Variants in FBXL4 observed in about 807,000 individuals in gnomAD.
FBXL4 encodes F-box and leucine rich repeat protein 4.
Under a neutral mutation model 58.9 loss-of-function variants are expected in FBXL4, and 40 were observed. The ratio of observed to expected loss-of-function variants is 0.68; its 90% CI spans 0.53 to 0.88. FBXL4 has a LOEUF of 0.88. Ranked by LOEUF, FBXL4 falls within the 40% of genes least tolerant of loss-of-function variation. FBXL4 has a pLI of 0.00. For missense variants in FBXL4, 676 were observed against 734.4 expected (o/e 0.92, Z 0.92); for synonymous variants, 263 against 265.5 (o/e 0.99, Z 0.09).
Position 98,869,022 on chromosome 6 carries a change from G to A in FBXL4, c.*5256C>T, listed in dbSNP as rs1473811384. ...ATCATGATCTTTGATTAAAGCAAAT[G>A]ACTCTTAACAGAATGTGAGCTATTG... On this transcript the variant is annotated 3_prime_UTR_variant, in exon 10 of 10. Coordinates refer to ENST00000369244, the MANE Select transcript of FBXL4 (RefSeq NM_001278716.2). The A allele has an allele frequency of 1.3e-5, 2 of 152,260 alleles. No individual in the cohort carries two copies. Among genetic ancestry groups the A allele is most frequent in the African/African-American group, 4.8e-5 (2 of 41,546 alleles). 9.4% of individuals were successfully genotyped at this position (152,260 alleles called of 1,614,324 possible). A position where few individuals can be genotyped will look rare whatever the true frequency, so the allele number is the denominator to read the frequency against.
At chr6:98,911,342 G>A (rs985581694) in intron 5 of FBXL4, among the ~76,000 whole-genome samples, 5 of 152,182 alleles carry the variant, frequency 3.3e-5, no homozygotes, top group South Asian at 2.1e-4. Context: ...CTCCCAGCAC[G>A]CAGCTGGAGA....
chr6:98,910,293 T>C (rs960720723), intron 5 of FBXL4, among the ~76,000 whole-genome samples: 5 of 152,080 alleles, frequency 3.3e-5, no homozygotes, highest in Non-Finnish European at 4.4e-5. Flanking sequence ...GATGCTAAAA[T>C]ACCTCAGAAA....
chr6:98,941,473 T>C (rs1193364537), intron 1 of FBXL4, among the ~76,000 whole-genome samples: 1 of 152,174 alleles, frequency 6.6e-6, no homozygotes, highest in East Asian at 1.9e-4. Context: ...ATGATGTAAC[T>C]GTTCTGTGTG....
At chr6:98,904,142 C>T (rs2128392294) in intron 6 of FBXL4, among the ~76,000 whole-genome samples, 1 of 152,304 alleles carries the variant, frequency 6.6e-6, no homozygotes, top group South Asian at 2.1e-4. Context: ...ATAATGTATA[C>T]TCTAAATATT....
chr6:98,926,447 T>C (rs759980763), intron 4 of FBXL4, 30 bp downstream of exon 4: 2 of 1,549,766 alleles, frequency 1.3e-6, no homozygotes, highest in African/African-American at 1.4e-5. Flanking sequence ...TTCTACCATA[T>C]AACTTAGGTC....
Position 98,875,303 on chromosome 6 carries a change from A to G in FBXL4, c.1702+112T>C, listed in dbSNP as rs1770617406. On this transcript the variant is annotated intron_variant, in intron 9 of 9. Coordinates refer to ENST00000369244, the MANE Select transcript of FBXL4 (RefSeq NM_001278716.2). ...TATCAAACCAAGCCATCTTATCAGG[A>G]TAAAATTTTTATTGTATCCAAAAAT... 9.7e-6 allele frequency: 9 copies of G among 928,768 alleles called. No individual in the cohort carries two copies. The South Asian group carries it at 1.3e-4, about 13-fold the overall frequency. The allele number at this position is 928,768 out of a possible 1,614,324, so 57.5% of individuals were successfully genotyped here. A position where few individuals can be genotyped will look rare whatever the true frequency, so the allele number is the denominator to read the frequency against.
intron 8 of FBXL4, among the ~76,000 whole-genome samples, chr6:98,877,010 C>T (rs1022538331): frequency 4.6e-5 from 7 of 151,984 alleles, no homozygotes; most frequent in Non-Finnish European, 7.4e-5. Context: ...TGGGGAGGAA[C>T]GGAGAAGGAA....
At chr6:98,879,853 G>C (rs1387681376) in intron 8 of FBXL4, among the ~76,000 whole-genome samples, 1 of 143,166 alleles carries the variant, frequency 7.0e-6, no homozygotes, top group Non-Finnish European at 1.5e-5. Context: ...TGAGGCAGGA[G>C]AATTGCTTGA....
chr6:98,917,825 T>C, intron 4 of FBXL4, 106 bp from the exon 5 acceptor site: 1 of 743,512 alleles, frequency 1.3e-6, no homozygotes, highest in South Asian at 2.8e-5. Context: ...AACAAAGTCA[T>C]CAAAATAAAT....
intron 4 of FBXL4, among the ~76,000 whole-genome samples, chr6:98,925,419 A>G: frequency 6.6e-6 from 1 of 152,360 alleles, no homozygotes; most frequent in East Asian, 1.9e-4. Flanking sequence ...CAAAAAAAAA[A>G]TGTTAAACAT....
rs768836902 is a variant in FBXL4 at position 98,871,576 on chromosome 6, G to A, written c.*2702C>T. 2 of 152,138 alleles carry A rather than the reference G, an allele frequency of 1.3e-5. No homozygotes were observed. The highest frequency in any genetic ancestry group is 1.3e-4 in the Admixed American group (2 of 15,274). 9.4% of individuals were successfully genotyped at this position (152,138 alleles called of 1,614,324 possible). A position where few individuals can be genotyped will look rare whatever the true frequency, so the allele number is the denominator to read the frequency against. ...AAAATGTGTGAAGCAAAATGATTAC[G>A]TTTGTCAAATTTATAAAGCCTGTGA... On this transcript the variant is annotated 3_prime_UTR_variant, in exon 10 of 10. Transcript: ENST00000369244.
At chr6:98,912,270 G>A (rs1047334709) in intron 5 of FBXL4, among the ~76,000 whole-genome samples, 1 of 152,202 alleles carries the variant, frequency 6.6e-6, no homozygotes, top group Admixed American at 6.5e-5. Flanking sequence ...TTATCCAGGA[G>A]AACTTCCCCA....
chr6:98,903,584 C>T (rs987238963), intron 6 of FBXL4, among the ~76,000 whole-genome samples: 2 of 152,124 alleles, frequency 1.3e-5, no homozygotes, highest in African/African-American at 4.8e-5. Flanking sequence ...GAAACTCTAA[C>T]TTTGCAAAAG....
intron 1 of FBXL4, among the ~76,000 whole-genome samples, chr6:98,937,235 G>A (rs1773254375): frequency 6.6e-6 from 1 of 151,920 alleles, no homozygotes; most frequent in Non-Finnish European, 1.5e-5. Context: ...ACTTGAACCT[G>A]GGAGGCAGAG....
chr6:98,889,424 G>T (rs919886425), intron 7 of FBXL4, among the ~76,000 whole-genome samples: 1 of 152,078 alleles, frequency 6.6e-6, no homozygotes, highest in African/African-American at 2.4e-5. Flanking sequence ...CTAAGAAAAT[G>T]ATTTCACTGC....
intron 5 of FBXL4, among the ~76,000 whole-genome samples, chr6:98,915,073 C>T (rs1772281562): frequency 1.3e-5 from 2 of 152,124 alleles, no homozygotes; most frequent in Admixed American, 1.3e-4. Flanking sequence ...TTCACAATTG[C>T]TTCAAAGAGA....
intron 4 of FBXL4, 142 bp downstream of exon 4, chr6:98,926,335 C>T (rs1337924933): frequency 2.7e-6 from 2 of 754,232 alleles, no homozygotes; most frequent in African/African-American, 3.5e-5. Flanking sequence ...ATCTCTCTTC[C>T]CCATCAGAAA....
chr6:98,914,800 T>A (rs1448766384), intron 5 of FBXL4, among the ~76,000 whole-genome samples: 2 of 152,140 alleles, frequency 1.3e-5, no homozygotes, highest in Non-Finnish European at 2.9e-5. Context: ...TTCAACATAG[T>A]GTTGGAAGTT....
At chr6:98,879,917 C>G (rs1001872959) in intron 8 of FBXL4, among the ~76,000 whole-genome samples, 1 of 120,464 alleles carries the variant, frequency 8.3e-6, no homozygotes, top group African/African-American at 3.3e-5. Context: ...CACTCCAGCC[C>G]GGGCAACAGA....
Sources: allele counts gnomAD v4.1 joint callset (sites outside exome capture counted in the v4.1 genomes callset), GRCh38; gene constraint gnomAD v4.1.1; transcripts MANE v1.5; gene names NCBI Gene and HGNC (gene_info 2026-07-23, HGNC 2026-07-21).